HS6ST3: variants seen among roughly 807,000 people sequenced by gnomAD.
HS6ST3 encodes heparan-sulfate 6-O-sulfotransferase 3.
HS6ST3 carries 12 observed loss-of-function variants against 36.7 expected under a neutral mutation model. That is an observed-to-expected ratio of 0.33 (90% CI 0.21 to 0.53). The LOEUF is 0.53. Among genes scored for constraint, HS6ST3 ranks in the 20% least tolerant of loss-of-function variants. The pLI is 0.95. For synonymous variants in HS6ST3, 240 were observed against 257.5 expected (o/e 0.93, Z 0.65); for missense variants, 584 against 640.9 (o/e 0.91, Z 0.96).
At chr13:96,650,232 G>A (rs2056602845) in intron 1 of HS6ST3, among the ~76,000 whole-genome samples, 1 of 151,968 alleles carries the variant, frequency 6.6e-6, no homozygotes, top group African/African-American at 2.4e-5. Flanking sequence ...TGTTTACCAT[G>A]TATATCCCCA....
chr13:96,564,515 T>G (rs1052867690), intron 1 of HS6ST3, among the ~76,000 whole-genome samples: 19 of 152,194 alleles, frequency 1.2e-4, no homozygotes, highest in Admixed American at 9.2e-4. Context: ...AGAAATTCCC[T>G]ATTTGACTAG....
intron 1 of HS6ST3, among the ~76,000 whole-genome samples, chr13:96,582,254 C>T (rs575950688): frequency 3.9e-4 from 59 of 152,114 alleles, no homozygotes; most frequent in African/African-American, 1.4e-3. Context: ...AAGATTTAAA[C>T]GTGAGAATGA....
intron 1 of HS6ST3, among the ~76,000 whole-genome samples, chr13:96,185,915 G>C (rs191778337): frequency 3.9e-5 from 6 of 152,268 alleles, no homozygotes; most frequent in African/African-American, 9.6e-5. Flanking sequence ...GAACCTATCT[G>C]CTCCTCCCAA....
intron 1 of HS6ST3, among the ~76,000 whole-genome samples, chr13:96,649,105 T>C (rs1000208589): frequency 5.9e-5 from 9 of 151,992 alleles, no homozygotes; most frequent in Non-Finnish European, 8.8e-5. Context: ...ATCTTTTCTA[T>C]CTCACTTTAT....
chr13:96,612,154 A>G (rs2056459137), intron 1 of HS6ST3, among the ~76,000 whole-genome samples: 1 of 152,164 alleles, frequency 6.6e-6, no homozygotes, highest in African/African-American at 2.4e-5. Context: ...GATGTCTCCT[A>G]GTTTGAGTGA....
intron 1 of HS6ST3, among the ~76,000 whole-genome samples, chr13:96,252,766 C>T (rs1329919037): frequency 6.6e-6 from 1 of 152,012 alleles, no homozygotes; most frequent in African/African-American, 2.4e-5. Flanking sequence ...TTGGCGCTGC[C>T]CTCACAATAC....
At chr13:96,264,128 A>G (rs2054679485) in intron 1 of HS6ST3, among the ~76,000 whole-genome samples, 1 of 152,140 alleles carries the variant, frequency 6.6e-6, no homozygotes. Flanking sequence ...AAACAAACTC[A>G]TGCCTATGAT....
intron 1 of HS6ST3, among the ~76,000 whole-genome samples, chr13:96,759,683 G>A (rs1156308921): frequency 6.6e-6 from 1 of 151,796 alleles, no homozygotes; most frequent in Non-Finnish European, 1.5e-5. Flanking sequence ...ACTGTAAGTG[G>A]CTTTTTAAAG....
chr13:96,381,023 G>A (rs150727810), intron 1 of HS6ST3, among the ~76,000 whole-genome samples: 67 of 152,310 alleles, frequency 4.4e-4, no homozygotes, highest in African/African-American at 1.5e-3. Context: ...ATATCATTTT[G>A]TATAATTAAA....
intron 1 of HS6ST3, among the ~76,000 whole-genome samples, chr13:96,455,415 A>G (rs535575651): frequency 2.0e-4 from 30 of 152,058 alleles, no homozygotes; most frequent in African/African-American, 7.0e-4. Flanking sequence ...TTTTGTAGAA[A>G]CAGGATCTCA....
intron 1 of HS6ST3, among the ~76,000 whole-genome samples, chr13:96,302,793 C>G (rs2054890292): frequency 6.6e-6 from 1 of 151,984 alleles, no homozygotes; most frequent in Non-Finnish European, 1.5e-5. Context: ...AATGATTACA[C>G]TTTTTAAAAG....
intron 1 of HS6ST3, among the ~76,000 whole-genome samples, chr13:96,417,137 T>A (rs1486913245): frequency 6.6e-6 from 1 of 152,192 alleles, no homozygotes; most frequent in Non-Finnish European, 1.5e-5. Flanking sequence ...TAAGTGGACA[T>A]GCTTCAGAAT....
intron 1 of HS6ST3, among the ~76,000 whole-genome samples, chr13:96,364,749 A>C (rs1312291459): frequency 6.6e-6 from 1 of 152,194 alleles, no homozygotes; most frequent in African/African-American, 2.4e-5. Flanking sequence ...AAAAATAATT[A>C]AAATCTCAAG....
chr13:96,497,351 G>A (rs766272285), intron 1 of HS6ST3, among the ~76,000 whole-genome samples: 36 of 152,114 alleles, frequency 2.4e-4, no homozygotes, highest in Non-Finnish European at 1.0e-4. Flanking sequence ...AGGAATGTGA[G>A]GTACAAATAG....
intron 1 of HS6ST3, among the ~76,000 whole-genome samples, chr13:96,771,552 G>C (rs759938347): frequency 6.6e-6 from 1 of 152,198 alleles, no homozygotes; most frequent in Non-Finnish European, 1.5e-5. Flanking sequence ...GGTACAGGAG[G>C]AGAAACCTAA....
At chr13:96,726,439 G>T (rs1336023911) in intron 1 of HS6ST3, among the ~76,000 whole-genome samples, 3 of 152,100 alleles carry the variant, frequency 2.0e-5, no homozygotes, top group Non-Finnish European at 4.4e-5. Flanking sequence ...TCTTTCATAG[G>T]ATTGATGCCC....
chr13:96,579,236 T>G (rs1422406365), intron 1 of HS6ST3, among the ~76,000 whole-genome samples: 1 of 152,210 alleles, frequency 6.6e-6, no homozygotes, highest in African/African-American at 2.4e-5. Context: ...AGCTACAATT[T>G]CACTAACTGT....
chr13:96,710,654 G>A (rs1465765762), intron 1 of HS6ST3, among the ~76,000 whole-genome samples: 2 of 152,256 alleles, frequency 1.3e-5, no homozygotes, highest in African/African-American at 4.8e-5. Flanking sequence ...CCAGTGCACA[G>A]GCCTGGATAC....
At chr13:96,124,596 A>G (rs773374213) in intron 1 of HS6ST3, among the ~76,000 whole-genome samples, 20 of 152,150 alleles carry the variant, frequency 1.3e-4, no homozygotes, top group Non-Finnish European at 2.2e-4. Context: ...ATTCTTTGGT[A>G]TGGTGTTTGG....
Sources: gnomAD v4.1 joint callset for allele counts (sites outside exome capture counted in the v4.1 genomes callset) on GRCh38, gnomAD v4.1.1 for gene constraint, MANE v1.5 for transcripts, NCBI Gene and HGNC (gene_info 2026-07-23, HGNC 2026-07-21) for gene names.